The following RAB3GAP1 variants were observed in gnomAD, a reference collection of about 807,000 sequenced individuals.
RAB3GAP1 encodes the protein RAB3 GTPase activating protein catalytic subunit 1.
Under a neutral mutation model 130.7 loss-of-function variants are expected in RAB3GAP1, and 86 were observed. The observed-to-expected ratio is 0.66, with a 90% CI of 0.55 to 0.79. The LOEUF (loss-of-function observed/expected upper bound fraction) is 0.79, where lower values mean the gene tolerates loss of function less well. RAB3GAP1 is among the 30% of genes least tolerant of loss of function. The pLI is 0.00. For synonymous variants in RAB3GAP1, 367 were observed against 401.7 expected (o/e 0.91, Z 1.03); for missense variants, 1,029 against 1,169.4 (o/e 0.88, Z 1.75).
At chr2:135,136,151 C>T (rs1010256446) in intron 17 of RAB3GAP1, among the ~76,000 whole-genome samples, 1 of 152,040 alleles carries the variant, frequency 6.6e-6, no homozygotes, top group Non-Finnish European at 1.5e-5. Flanking sequence ...CATGGTGAAA[C>T]CCTGTCTCTA....
At position 135,148,565 on chromosome 2, in the gene RAB3GAP1, G is replaced by T. The variant is rs1377085793; in HGVS notation, c.1924-1804G>T. 2.7e-5 allele frequency among the ~76,000 whole-genome samples: 4 copies of T among 149,154 alleles called. No homozygotes were observed. In the Admixed American group the frequency reaches 2.7e-4, roughly 10 times the overall value. On this transcript the variant is annotated intron_variant, in intron 17 of 23. Transcript: ENST00000264158. ...GCCTGAGTGCAGTGGCGTGATCTTG[G>T]CTTACTGCAACCTCTGCCTTCTGGG...
Position 135,115,246 on chromosome 2 carries a change from C to CAA in RAB3GAP1, c.515_516dup (p.Trp173AsnfsTer7). 2 of 1,612,346 alleles carry CAA rather than the reference C, an allele frequency of 1.2e-6. No individual in the cohort carries two copies. The highest frequency in any genetic ancestry group is 1.7e-6 in the Non-Finnish European group (2 of 1,178,452). ...TGCCACTCTTTGTGCAAATTCACCA[C>CAA]AAATGGCGAAGAATGTATGTAGGAG... On this transcript the variant is annotated frameshift_variant, in exon 7 of 24. Transcript: ENST00000264158. LOFTEE classifies it high-confidence loss of function.
intron 2 of RAB3GAP1, among the ~76,000 whole-genome samples, chr2:135,055,405 T>C (rs1411891691): frequency 6.6e-6 from 1 of 152,202 alleles, no homozygotes; most frequent in East Asian, 1.9e-4. Flanking sequence ...TGGCCGGGCA[T>C]GGTGGCTCAT....
intron 23 of RAB3GAP1, among the ~76,000 whole-genome samples, 162 bp downstream of exon 23, chr2:135,164,858 G>A (rs1384888630): frequency 1.3e-5 from 2 of 152,100 alleles, no homozygotes; most frequent in Non-Finnish European, 2.9e-5. Context: ...CTGAGTCTTC[G>A]AAATCCATTT....
At chr2:135,065,720 G>A (rs919694674) in intron 3 of RAB3GAP1, among the ~76,000 whole-genome samples, 3 of 150,992 alleles carry the variant, frequency 2.0e-5, no homozygotes, top group African/African-American at 4.9e-5. Flanking sequence ...TCACGCTTTC[G>A]AACTATGAAA....
chr2:135,169,026 G>C lies in RAB3GAP1; in HGVS notation c.*245G>C, dbSNP rs1277245691. 5 of 529,118 alleles carry C rather than the reference G, an allele frequency of 9.4e-6. No individual in the cohort carries two copies. Among genetic ancestry groups the C allele is most frequent in the South Asian group, 2.0e-5 (1 of 49,542 alleles). The allele number at this position is 529,118 out of a possible 1,614,324, so 32.8% of individuals were successfully genotyped here. A position where few individuals can be genotyped will look rare whatever the true frequency, so the allele number is the denominator to read the frequency against. On this transcript the variant is annotated 3_prime_UTR_variant, in exon 24 of 24. Transcript: ENST00000264158. ...TGCCCTAGAGATGGCCTTTGTATAT[G>C]GGGGGGTGGTGGGGGGACACAAACA...
Position 135,126,587 on chromosome 2 carries a change from T to A in RAB3GAP1, c.904T>A (p.Leu302Met). 1 of 1,610,980 alleles carries A rather than the reference T, an allele frequency of 6.2e-7. No homozygotes were observed. Among genetic ancestry groups the A allele is most frequent in the Non-Finnish European group, 8.5e-7 (1 of 1,177,186 alleles). Residue 302 changes from leucine to methionine, a missense_variant, in exon 11 of 24, where the codon TTG becomes ATG. This residue lies in a region of RAB3GAP1 where 510 missense variants were observed against 532.1 expected (regional missense o/e 0.96). Transcript: ENST00000264158. ...ATTTATTGGTTTGCATTTTAGTGAT[T>A]TGGATCCTATTCAAGCTCCACATTG... ...IIVDNDVYSD[L>M]DPIQAPHWSV...
chr2:135,113,743 T>A (rs781112257), intron 6 of RAB3GAP1, among the ~76,000 whole-genome samples: 12 of 142,882 alleles, frequency 8.4e-5, no homozygotes, highest in South Asian at 2.2e-4. Context: ...TCAAATAAAA[T>A]TTTTTTTTTT....
At chr2:135,133,595 C>T (rs1232170035) in intron 14 of RAB3GAP1, among the ~76,000 whole-genome samples, 3 of 152,056 alleles carry the variant, frequency 2.0e-5, no homozygotes, top group Non-Finnish European at 4.4e-5. Context: ...TGGAATACTT[C>T]CTAAATATTC....
At chr2:135,142,372 A>G (rs1025338157) in intron 17 of RAB3GAP1, among the ~76,000 whole-genome samples, 10 of 152,138 alleles carry the variant, frequency 6.6e-5, no homozygotes, top group African/African-American at 2.4e-4. Flanking sequence ...ATTTTTATAT[A>G]TTGACCTTGG....
intron 5 of RAB3GAP1, among the ~76,000 whole-genome samples, chr2:135,095,313 G>T (rs1305212488): frequency 2.0e-5 from 3 of 152,182 alleles, no homozygotes; most frequent in South Asian, 2.1e-4. Flanking sequence ...CTCCCAAAGC[G>T]CTGGGATTAT....
chr2:135,086,581 A>G (rs1249722806), intron 3 of RAB3GAP1, among the ~76,000 whole-genome samples: 2 of 132,618 alleles, frequency 1.5e-5, no homozygotes, highest in African/African-American at 5.7e-5. Context: ...CATTTTTTTT[A>G]TTATCCTCAT....
chr2:135,053,508 T>C (rs1688934266), intron 2 of RAB3GAP1, among the ~76,000 whole-genome samples: 2 of 152,228 alleles, frequency 1.3e-5, no homozygotes, highest in African/African-American at 4.8e-5. Context: ...TTCCTGGGTG[T>C]TGAAGTCAGT....
At chr2:135,055,436 G>A (rs1688981679) in intron 2 of RAB3GAP1, among the ~76,000 whole-genome samples, 1 of 152,140 alleles carries the variant, frequency 6.6e-6, no homozygotes, top group African/African-American at 2.4e-5. Flanking sequence ...CCAGCACTTA[G>A]AGAGGCTGAG....
At position 135,163,121 on chromosome 2, in the gene RAB3GAP1, T is replaced by A; in HGVS notation, c.2606+20T>A. 6.4e-7 allele frequency: 1 copy of A among 1,571,294 alleles called. No homozygotes were observed. The highest frequency in any genetic ancestry group is 8.8e-7 in the Non-Finnish European group (1 of 1,140,934). ...TGAAAGGTAATTGCTATTTGGCTAA[T>A]TCAGTTTTGTCTGCAGTAGGAAAAG... On this transcript the variant is annotated intron_variant, in intron 22 of 23. Transcript: ENST00000264158.
chr2:135,126,895 TA>T (rs1691365304), intron 11 of RAB3GAP1, among the ~76,000 whole-genome samples: 1 of 152,186 alleles, frequency 6.6e-6, no homozygotes, highest in African/African-American at 2.4e-5. Flanking sequence ...ATTTATTTTT[TA>T]TTTTTTGAGA....
chr2:135,105,445 G>C lies in RAB3GAP1; in HGVS notation c.363-7706G>C, dbSNP rs576997814. ...GACGGGGTTTCACTCTGTTGGCCGG[G>C]CTGGTCTCCAGCTCCTAACCGCGAG... On this transcript the variant is annotated intron_variant, in intron 5 of 23. Coordinates refer to ENST00000264158, the MANE Select transcript of RAB3GAP1 (RefSeq NM_012233.3). Among the ~76,000 whole-genome samples the C allele has an allele frequency of 7.0e-3, 1,068 of 152,202 alleles. 10 individuals are homozygous for C. Among genetic ancestry groups the C allele is most frequent in the African/African-American group, 0.024 (999 of 41,522 alleles).
rs191219662 is a variant in RAB3GAP1, at chr2:135,170,027, A to G, written c.*1246A>G. The G allele has an allele frequency of 5.9e-4, 133 of 226,534 alleles. No individual in the cohort carries two copies. Among genetic ancestry groups the G allele is most frequent in the African/African-American group, 3.0e-3 (129 of 42,636 alleles). The allele number at this position is 226,534 out of a possible 1,614,324, so 14.0% of individuals were successfully genotyped here. A position where few individuals can be genotyped will look rare whatever the true frequency, so the allele number is the denominator to read the frequency against. On this transcript the variant is annotated 3_prime_UTR_variant, in exon 24 of 24. Transcript: ENST00000264158. The stretch of plus-strand genomic sequence containing the variant: ...TATAATATGTGTGTGTGTGTGACAT[A>G]TGCACACGTCTCTGTGTATGTGAAG...
intron 5 of RAB3GAP1, among the ~76,000 whole-genome samples, chr2:135,112,518 T>G (rs1690834442): frequency 6.6e-6 from 1 of 151,976 alleles, no homozygotes; most frequent in Non-Finnish European, 1.5e-5. Context: ...CAGAAGAAAC[T>G]CTTGAGTGAG....
Sources: gnomAD v4.1 joint callset for allele counts (sites outside exome capture counted in the v4.1 genomes callset) on GRCh38, gnomAD v4.1.1 for gene constraint, gnomAD v4.1.1 regional missense constraint, MANE v1.5 for transcripts, NCBI Gene and HGNC (gene_info 2026-07-23, HGNC 2026-07-21) for gene names.